Variants in ZNF518A observed in about 807,000 individuals in gnomAD.
ZNF518A encodes the protein zinc finger protein 518A, also known as zinc finger protein 518.
Under a neutral mutation model 102.7 loss-of-function variants are expected in ZNF518A, and 47 were observed. The observed-to-expected ratio is 0.46, with a 90% CI of 0.36 to 0.58. The LOEUF (loss-of-function observed/expected upper bound fraction) is 0.58. Among genes scored for constraint, ZNF518A ranks in the 20% least tolerant of loss-of-function variants. The pLI is 0.00. For missense variants in ZNF518A, 1,793 were observed against 1,699.8 expected, an observed-to-expected ratio of 1.05 and a Z score of -0.96; for synonymous variants, 652 against 594.6, an observed-to-expected ratio of 1.10 and a Z score of -1.40.
rs2082156556 is a variant in ZNF518A, at chr10:96,146,041, A to G, written c.-301-9285A>G. ...CTTTTAACTTTTGACGCATTTGTTT[A>G]TCCATTTTCTATCCATCTATCAGTA... is the stretch of plus-strand genomic sequence containing the variant. On this transcript the variant is annotated intron_variant, in intron 3 of 5. Transcript: ENST00000316045. Among the ~76,000 whole-genome samples the G allele has an allele frequency of 2.0e-5, 3 of 152,270 alleles. No homozygotes were observed. In the East Asian group the frequency reaches 5.8e-4, roughly 29 times the overall value.
At chr10:96,152,217 G>A (rs781914122) in intron 3 of ZNF518A, among the ~76,000 whole-genome samples, 17 of 152,028 alleles carry the variant, frequency 1.1e-4, no homozygotes, top group Non-Finnish European at 1.8e-4. Flanking sequence ...GGAGGCTGAC[G>A]TGGGAGGATT....
At chr10:96,143,895 C>T (rs587648936) in intron 3 of ZNF518A, among the ~76,000 whole-genome samples, 55 of 152,314 alleles carry the variant, frequency 3.6e-4, no homozygotes, top group South Asian at 2.1e-3. Flanking sequence ...TGCTTATACG[C>T]ACATATGCTT....
At position 96,158,511 on chromosome 10, in the gene ZNF518A, G is replaced by T. The variant is rs782189590; in HGVS notation, c.2189G>T (p.Gly730Val). The T allele has an allele frequency of 1.1e-5, 17 of 1,612,564 alleles. No homozygotes were observed. Among genetic ancestry groups the T allele is most frequent in the Non-Finnish European group, 1.4e-5 (16 of 1,179,496 alleles). Reference protein sequence around the residue: ...YVLEKGQNIDGQNLYSNENQN... With the variant: ...YVLEKGQNIDVQNLYSNENQN... ...TTAGAAAAAGGACAAAACATTGATG[G>T]ACAAAACCTGTACAGTAATGAAAAT... is the stretch of plus-strand genomic sequence containing the variant. Residue 730 changes from glycine (G) to valine (V), a missense_variant, in exon 6 of 6, where the codon GGA becomes GTA. Around this residue, in one of 3 missense-constraint regions of ZNF518A, gnomAD observed 1,741 missense variants for 1,622.6 expected, o/e 1.07. Coordinates refer to ENST00000316045, the MANE Select transcript of ZNF518A (RefSeq NM_001330736.2).
chr10:96,179,269 G>A (rs1439090120), intron 1 of ZNF518A, among the ~76,000 whole-genome samples: 5 of 152,096 alleles, frequency 3.3e-5, no homozygotes, highest in African/African-American at 4.8e-5. Context: ...AGGGACTTAT[G>A]TCTAGAAAAT....
At chr10:96,201,414 A>T (rs1301274320) in intron 1 of ZNF518A, among the ~76,000 whole-genome samples, 1 of 152,208 alleles carries the variant, frequency 6.6e-6, no homozygotes, top group Non-Finnish European at 1.5e-5. Flanking sequence ...ATGTAAACTA[A>T]TGCCACTCTT....
intron 1 of ZNF518A, chr10:96,190,258 C>T (rs73320962): frequency 0.042 from 30,351 of 720,186 alleles, 1,427 homozygotes; most frequent in African/African-American, 0.18. Flanking sequence ...AGAAAGCAGA[C>T]GGAGATAAAC....
At chr10:96,131,232 G>A (rs1302256800) in intron 1 of ZNF518A, among the ~76,000 whole-genome samples, 1 of 152,204 alleles carries the variant, frequency 6.6e-6, no homozygotes, top group Non-Finnish European at 1.5e-5. Context: ...ACTTGAAAGT[G>A]TGCATGTTAG....
At chr10:96,175,063 C>G (rs2133886653) in intron 1 of ZNF518A, among the ~76,000 whole-genome samples, 1 of 152,264 alleles carries the variant, frequency 6.6e-6, no homozygotes, top group East Asian at 1.9e-4. Flanking sequence ...GCCGCCTGGT[C>G]TCAAACTTCC....
At chr10:96,154,541 T>C (rs2133722680) in intron 3 of ZNF518A, among the ~76,000 whole-genome samples, 1 of 152,208 alleles carries the variant, frequency 6.6e-6, no homozygotes, top group East Asian at 1.9e-4. Flanking sequence ...TCAATTAGTG[T>C]CTAGTTCATT....
At position 96,159,915 on chromosome 10, in the gene ZNF518A, A is replaced by G. The variant is rs782299310; in HGVS notation, c.3593A>G (p.Asp1198Gly). Reference protein sequence around the residue: ...ESRDALPFLLDDLMPANEIVI... With the variant: ...ESRDALPFLLGDLMPANEIVI... ...AGAGATGCCTTACCCTTCTTACTAG[A>G]TGACTTAATGCCAGCAAATGAAATT... Residue 1198 changes from aspartate to glycine, a missense_variant, in exon 6 of 6, where the codon GAT (aspartate) becomes GGT (glycine). By Grantham distance (94) the Asp-to-Gly change is moderately conservative. Transcript: ENST00000316045. 3 of 1,613,582 alleles carry G rather than the reference A, an allele frequency of 1.9e-6. No homozygotes were observed. Among genetic ancestry groups the G allele is most frequent in the Admixed American group, 1.7e-5 (1 of 59,976 alleles).
In ZNF518A at chr10:96,160,419, C is replaced by T. The variant is rs1554887235; in HGVS notation, c.4097C>T (p.Thr1366Ile). 7.4e-6 allele frequency: 12 copies of T among 1,613,056 alleles called. No homozygotes were observed. Among genetic ancestry groups the T allele is most frequent in the East Asian group, 2.2e-5 (1 of 44,872 alleles). The part of the protein sequence containing the change: ...DAPEVVSVMK[T>I]IAKFNGHVLK... ...CCAGAAGTAGTAAGTGTAATGAAAACTATTGCTAAATTTAATGGACATGTA... is the reference window on the plus strand; with the variant it reads ...CCAGAAGTAGTAAGTGTAATGAAAATTATTGCTAAATTTAATGGACATGTA... The change falls in exon 6 of 6, where the codon ACT becomes ATT. Residue 1366 changes from threonine to isoleucine, a missense_variant. Thr to Ile is a moderately conservative substitution (Grantham distance 89, BLOSUM62 -1). Transcript: ENST00000316045.
At chr10:96,192,583 A>C (rs1229364525) in intron 1 of ZNF518A, among the ~76,000 whole-genome samples, 11 of 152,150 alleles carry the variant, frequency 7.2e-5, no homozygotes, top group African/African-American at 2.7e-4. Flanking sequence ...AAAGCTTTAT[A>C]AACCTTCATA....
chr10:96,142,795 T>A (rs907757846), intron 3 of ZNF518A, among the ~76,000 whole-genome samples: 1 of 151,764 alleles, frequency 6.6e-6, no homozygotes, highest in Non-Finnish European at 1.5e-5. Flanking sequence ...CCGGACCCAA[T>A]GTGTGATTTC....
At chr10:96,180,888 T>C in intron 1 of ZNF518A, among the ~76,000 whole-genome samples, 1 of 152,244 alleles carries the variant, frequency 6.6e-6, no homozygotes, top group East Asian at 1.9e-4. Flanking sequence ...ACAAATGGTA[T>C]TTCTAGTTCT....
intron 3 of ZNF518A, among the ~76,000 whole-genome samples, chr10:96,142,251 A>G (rs928517832): frequency 1.3e-5 from 2 of 151,878 alleles, no homozygotes; most frequent in Admixed American, 6.6e-5. Context: ...TGAATAGATA[A>G]TAGTTATTTT....
intron 1 of ZNF518A, among the ~76,000 whole-genome samples, chr10:96,174,132 TAAA>T (rs1334104324): frequency 6.6e-6 from 1 of 151,976 alleles, no homozygotes; most frequent in South Asian, 2.1e-4. Flanking sequence ...ATTTAAAAAA[TAAA>T]AAAACTTACT....
At chr10:96,134,399 T>C (rs1049235565) in intron 3 of ZNF518A, among the ~76,000 whole-genome samples, 1 of 151,384 alleles carries the variant, frequency 6.6e-6, no homozygotes, top group Non-Finnish European at 1.5e-5. Context: ...GCTGGCTAAT[T>C]TTTTTTTTAT....
chr10:96,163,189 T>G lies in ZNF518A; in HGVS notation c.*2415T>G, dbSNP rs2083065256. ...TAACAGCCATTTAAAGTAAGCTTTG[T>G]GCTCCAGATATTCTAGTTGGAACTT... On this transcript the variant is annotated 3_prime_UTR_variant, in exon 6 of 6. Coordinates refer to ENST00000316045, the MANE Select transcript of ZNF518A (RefSeq NM_001330736.2). 6.0e-6 allele frequency: 1 copy of G among 167,058 alleles called. No homozygotes were observed. The highest frequency in any genetic ancestry group is 1.5e-5 in the Non-Finnish European group (1 of 68,088). 10.3% of individuals were successfully genotyped at this position (167,058 alleles called of 1,614,324 possible). A position where few individuals can be genotyped will look rare whatever the true frequency, so the allele number is the denominator to read the frequency against.
downstream of ZNF518A, among the ~76,000 whole-genome samples, chr10:96,166,234 A>G (rs1199600176): frequency 2.6e-5 from 4 of 152,158 alleles, no homozygotes; most frequent in Non-Finnish European, 5.9e-5. Flanking sequence ...TTCCCCATTC[A>G]GTGTAATGGC....
Sources: gnomAD v4.1 joint callset for allele counts (sites outside exome capture counted in the v4.1 genomes callset) on GRCh38, gnomAD v4.1.1 for gene constraint, gnomAD v4.1.1 regional missense constraint, MANE v1.5 for transcripts, NCBI Gene and HGNC (gene_info 2026-07-23, HGNC 2026-07-21) for gene names.